Variants in ELOVL5 observed in about 807,000 individuals in gnomAD.
The protein encoded by ELOVL5 is ELOVL fatty acid elongase 5, also known as very long chain fatty acid elongase 5.
ELOVL5 carries 8 observed loss-of-function variants against 38.6 expected under a neutral mutation model. The ratio of observed to expected loss-of-function variants is 0.21; its 90% CI spans 0.12 to 0.37. ELOVL5 has a LOEUF of 0.37. ELOVL5 is among the 10% of genes least tolerant of loss of function. The pLI is 1.00. For synonymous variants in ELOVL5, 127 were observed against 133.7 expected (o/e 0.95, Z 0.34); for missense variants, 280 against 367.8 (o/e 0.76, Z 1.95).
At chr6:53,314,294 G>A (rs1488416200) in intron 1 of ELOVL5, among the ~76,000 whole-genome samples, 2 of 152,156 alleles carry the variant, frequency 1.3e-5, no homozygotes, top group South Asian at 2.1e-4. Flanking sequence ...CCATTTAGCT[G>A]TAACAAAACG....
intron 1 of ELOVL5, among the ~76,000 whole-genome samples, chr6:53,335,493 C>A (rs1439376914): frequency 6.6e-6 from 1 of 152,152 alleles, no homozygotes; most frequent in Non-Finnish European, 1.5e-5. Context: ...GTTTCCTCAT[C>A]CCCTCCCCCA....
intron 1 of ELOVL5, among the ~76,000 whole-genome samples, chr6:53,335,032 G>C (rs1768988612): frequency 6.6e-6 from 1 of 152,152 alleles, no homozygotes; most frequent in Non-Finnish European, 1.5e-5. Context: ...CTCATTCTTG[G>C]TTTCATCACC....
chr6:53,300,943 G>A (rs1355349712), intron 1 of ELOVL5, among the ~76,000 whole-genome samples: 1 of 152,084 alleles, frequency 6.6e-6, no homozygotes, highest in Non-Finnish European at 1.5e-5. Context: ...CTTCCTTGCT[G>A]AGCCTCATCT....
chr6:53,285,066 A>C (rs1484933124), intron 3 of ELOVL5, among the ~76,000 whole-genome samples: 1 of 152,230 alleles, frequency 6.6e-6, no homozygotes, highest in African/African-American at 2.4e-5. Context: ...TGAAAGGAAG[A>C]GTAGCATGTC....
At chr6:53,288,338 G>A (rs745857345) in intron 3 of ELOVL5, among the ~76,000 whole-genome samples, 10 of 152,136 alleles carry the variant, frequency 6.6e-5, no homozygotes, top group African/African-American at 2.4e-4. Flanking sequence ...TAAGGGCATC[G>A]TTTTACAAAG....
At chr6:53,306,193 G>A (rs1414008093) in intron 1 of ELOVL5, among the ~76,000 whole-genome samples, 2 of 131,632 alleles carry the variant, frequency 1.5e-5, no homozygotes, top group South Asian at 2.7e-4. Flanking sequence ...GGGAGACCGT[G>A]GAAAGGGGAG....
chr6:53,333,477 A>C (rs907045601), intron 1 of ELOVL5, among the ~76,000 whole-genome samples: 2 of 152,240 alleles, frequency 1.3e-5, no homozygotes, highest in African/African-American at 4.8e-5. Flanking sequence ...GCAGGGCACC[A>C]AGAACAGGAC....
At chr6:53,346,847 A>C (rs1035514139) in intron 1 of ELOVL5, among the ~76,000 whole-genome samples, 1 of 152,234 alleles carries the variant, frequency 6.6e-6, no homozygotes, top group South Asian at 2.1e-4. Context: ...GTGGAAAAAA[A>C]GATTCTTGCA....
intron 1 of ELOVL5, among the ~76,000 whole-genome samples, chr6:53,296,494 A>C (rs1767007403): frequency 6.6e-6 from 1 of 152,214 alleles, no homozygotes; most frequent in Non-Finnish European, 1.5e-5. Context: ...ATAAAACTTT[A>C]GTTTTATTAT....
intron 1 of ELOVL5, among the ~76,000 whole-genome samples, chr6:53,314,648 AC>A (rs146803877): frequency 0.011 from 1,627 of 152,206 alleles, 32 homozygotes; most frequent in African/African-American, 0.037. Context: ...TCCAGTCATG[AC>A]CCATATTTTC....
At chr6:53,340,887 G>A (rs1769295387) in intron 1 of ELOVL5, among the ~76,000 whole-genome samples, 1 of 152,178 alleles carries the variant, frequency 6.6e-6, no homozygotes, top group African/African-American at 2.4e-5. Context: ...TCTGGAGATA[G>A]AGGCTCCCTA....
At chr6:53,342,824 T>TA (rs1207056419) in intron 1 of ELOVL5, among the ~76,000 whole-genome samples, 2 of 152,170 alleles carry the variant, frequency 1.3e-5, no homozygotes, top group Admixed American at 6.5e-5. Context: ...TGAATGCAAT[T>TA]ACAACTGTAC....
chr6:53,346,297 A>G (rs1769538829), intron 1 of ELOVL5, among the ~76,000 whole-genome samples: 1 of 152,010 alleles, frequency 6.6e-6, no homozygotes, highest in East Asian at 1.9e-4. Context: ...CATTTTCTTT[A>G]TCCAGTCTAT....
intron 4 of ELOVL5, 116 bp from the exon 5 acceptor site, chr6:53,275,377 G>A (rs1299815910): frequency 1.0e-6 from 1 of 991,158 alleles, no homozygotes; most frequent in Non-Finnish European, 1.5e-6. Flanking sequence ...AAGCCCGAGT[G>A]CCCCAAGAGC....
rs773383271 is a variant in ELOVL5 at position 53,276,200 on chromosome 6, G to A, written c.303C>T (p.Thr101=). 6 of 1,612,212 alleles carry A rather than the reference G, an allele frequency of 3.7e-6. No homozygotes were observed. The African/African-American group carries it at 5.3e-5, about 14-fold the overall frequency. Reference sequence around the variant, plus strand: ...GTACCTTCATATCTGATTCTCCTGCGGTGCGTGTGCCCTGACAGAAGAAGT... The same window carrying A: ...GTACCTTCATATCTGATTCTCCTGCAGTGCGTGTGCCCTGACAGAAGAAGT... ...KYNFFCQGTR[T]AGESDMKIIR... Residue 101 remains threonine (T), a synonymous_variant, in exon 4 of 8, where the codon ACC becomes ACT. Transcript: ENST00000304434.
At chr6:53,299,426 A>G (rs1032841003) in intron 1 of ELOVL5, among the ~76,000 whole-genome samples, 1 of 152,222 alleles carries the variant, frequency 6.6e-6, no homozygotes, top group Non-Finnish European at 1.5e-5. Flanking sequence ...GCAGGAATGG[A>G]GAGGGTAACA....
intron 1 of ELOVL5, among the ~76,000 whole-genome samples, chr6:53,339,184 C>T (rs9370200): frequency 0.34 from 52,338 of 152,106 alleles, 9,673 homozygotes; most frequent in African/African-American, 0.49. Context: ...AGTCTAGCAA[C>T]TGTGTATTCA....
rs116048707 is a variant in ELOVL5 at position 53,304,147 on chromosome 6, A to G, written c.-8-8440T>C. Among the ~76,000 whole-genome samples the G allele has an allele frequency of 4.4e-3, 666 of 152,342 alleles. 8 individuals are homozygous for G. The highest frequency in any genetic ancestry group is 0.015 in the African/African-American group (643 of 41,580). Reference sequence around the variant, plus strand: ...TGTCCTATGAGTATAATAATTATCTATTGGTGATACTATAAATGAGGAGAT... The same window carrying G: ...TGTCCTATGAGTATAATAATTATCTGTTGGTGATACTATAAATGAGGAGAT... On this transcript the variant is annotated intron_variant, in intron 1 of 7. Transcript: ENST00000304434.
At chr6:53,297,820 A>C (rs9296707) in intron 1 of ELOVL5, among the ~76,000 whole-genome samples, 55,139 of 151,854 alleles carry the variant, frequency 0.36, 11,117 homozygotes, top group African/African-American at 0.55. Context: ...TAAGAAAGGC[A>C]ATTTTGGTCC....
Sources: allele counts gnomAD v4.1 joint callset (sites outside exome capture counted in the v4.1 genomes callset), GRCh38; gene constraint gnomAD v4.1.1; transcripts MANE v1.5; gene names NCBI Gene and HGNC (gene_info 2026-07-23, HGNC 2026-07-21).